MYO1B: variants seen among roughly 807,000 people sequenced by gnomAD.
The protein encoded by MYO1B is myosin IB, also known as unconventional myosin-Ib.
MYO1B carries 72 observed loss-of-function variants against 159.7 expected under a neutral mutation model. The ratio of observed to expected loss-of-function variants is 0.45; its 90% CI spans 0.37 to 0.55. MYO1B has a LOEUF of 0.55. Among genes scored for constraint, MYO1B ranks in the 20% least tolerant of loss-of-function variants. The pLI, the probability that MYO1B is intolerant of heterozygous loss-of-function variation, is 0.00. For missense variants in MYO1B, 1,062 were observed against 1,364.8 expected (o/e 0.78, Z 3.50); for synonymous variants, 468 against 473.8 (o/e 0.99, Z 0.16).
At chr2:191,380,826 A>G (rs1436135178) in intron 13 of MYO1B, among the ~76,000 whole-genome samples, 1 of 152,160 alleles carries the variant, frequency 6.6e-6, no homozygotes, top group African/African-American at 2.4e-5. Flanking sequence ...CATATTGAGA[A>G]CTTGCTAGGT....
intron 25 of MYO1B, 136 bp from the exon 26 acceptor site, chr2:191,408,908 G>A: frequency 1.1e-6 from 1 of 906,688 alleles, no homozygotes; most frequent in East Asian, 2.9e-5. Context: ...AGACTTCCCA[G>A]ATGAGTTACA....
At chr2:191,356,849 G>T (rs941045710) in intron 7 of MYO1B, among the ~76,000 whole-genome samples, 39 of 152,104 alleles carry the variant, frequency 2.6e-4, no homozygotes, top group African/African-American at 9.4e-4. Flanking sequence ...TACTGAAGAG[G>T]CATAAATTCA....
chr2:191,333,817 T>C (rs1251882319), intron 4 of MYO1B, among the ~76,000 whole-genome samples: 1 of 152,182 alleles, frequency 6.6e-6, no homozygotes, highest in Non-Finnish European at 1.5e-5. Flanking sequence ...ACCAGTTCTT[T>C]CAGGTGAAAC....
chr2:191,357,136 G>A (rs1693345266), intron 7 of MYO1B, among the ~76,000 whole-genome samples: 1 of 152,154 alleles, frequency 6.6e-6, no homozygotes, highest in South Asian at 2.1e-4. Context: ...ACATCCTAAA[G>A]TATGTGATGT....
At chr2:191,258,829 CT>C (rs1686619196) in intron 1 of MYO1B, among the ~76,000 whole-genome samples, 1 of 152,182 alleles carries the variant, frequency 6.6e-6, no homozygotes, top group African/African-American at 2.4e-5. Context: ...AGTCTTAATA[CT>C]TAGCACTGGT....
intron 1 of MYO1B, among the ~76,000 whole-genome samples, chr2:191,254,852 A>G (rs1686341376): frequency 6.6e-6 from 1 of 152,086 alleles, no homozygotes; most frequent in Non-Finnish European, 1.5e-5. Flanking sequence ...TAGTTATTTA[A>G]TGTGTTCATT....
At chr2:191,310,636 A>G (rs756338953) in intron 3 of MYO1B, among the ~76,000 whole-genome samples, 4 of 152,228 alleles carry the variant, frequency 2.6e-5, no homozygotes, top group Non-Finnish European at 5.9e-5. Context: ...ATGTAGAGCT[A>G]TTTTTCAATT....
chr2:191,391,014 G>T (rs1211787370), intron 18 of MYO1B, among the ~76,000 whole-genome samples: 1 of 152,270 alleles, frequency 6.6e-6, no homozygotes, highest in African/African-American at 2.4e-5. Context: ...CAGCTGGTCT[G>T]TCCTGAATTG....
chr2:191,392,854 A>T (rs1695839739), intron 19 of MYO1B, among the ~76,000 whole-genome samples: 1 of 152,230 alleles, frequency 6.6e-6, no homozygotes, highest in South Asian at 2.1e-4. Context: ...ATAAATTCTG[A>T]ATCACTGGAA....
chr2:191,350,477 T>C (rs1158226858), intron 7 of MYO1B: 1 of 255,476 alleles, frequency 3.9e-6, no homozygotes, highest in Non-Finnish European at 7.4e-6. Flanking sequence ...TGCGCTACTG[T>C]TTTTTATATT....
intron 3 of MYO1B, among the ~76,000 whole-genome samples, chr2:191,314,139 A>G (rs544506400): frequency 1.3e-5 from 2 of 152,220 alleles, no homozygotes; most frequent in African/African-American, 2.4e-5. Context: ...CATATTTTCA[A>G]TTTTTTAAAA....
At chr2:191,386,331 T>C (rs886574545) in intron 16 of MYO1B, among the ~76,000 whole-genome samples, 4 of 152,206 alleles carry the variant, frequency 2.6e-5, no homozygotes, top group African/African-American at 9.6e-5. Context: ...TTTTGAATCA[T>C]CTTTATTATT....
Position 191,360,751 on chromosome 2 carries a change from G to GTGGTGTTGTTGT in MYO1B, c.661+24_661+25insGTGTTGTTGTTG, listed in dbSNP as rs1553552025. On this transcript the variant is annotated intron_variant, in intron 8 of 30. Transcript: ENST00000392318. ...CTCAGTAAGTCTCTGTTTCTATGTG[G>GTGGTGTTGTTGT]TGTTGTTGTTGTTGTTGTTGTTGTT... is the stretch of plus-strand genomic sequence containing the variant. The GTGGTGTTGTTGT allele has an allele frequency of 1.3e-3, 1,502 of 1,118,256 alleles. 5 individuals are homozygous for GTGGTGTTGTTGT. The highest frequency in any genetic ancestry group is 6.9e-3 in the African/African-American group (410 of 59,068). 69.3% of individuals were successfully genotyped at this position (1,118,256 alleles called of 1,614,324 possible).
intron 3 of MYO1B, among the ~76,000 whole-genome samples, chr2:191,317,830 C>T (rs759853436): frequency 6.6e-6 from 1 of 152,138 alleles, no homozygotes; most frequent in Non-Finnish European, 1.5e-5. Context: ...CCACAGAGCT[C>T]TTTGTAAGCA....
At chr2:191,320,518 T>G (rs545469239) in intron 3 of MYO1B, among the ~76,000 whole-genome samples, 2 of 152,272 alleles carry the variant, frequency 1.3e-5, no homozygotes, top group South Asian at 4.1e-4. Flanking sequence ...CACAGTGGTC[T>G]GTGTGTATGT....
chr2:191,316,019 CAATT>C (rs1426046767), intron 3 of MYO1B, among the ~76,000 whole-genome samples: 23 of 152,158 alleles, frequency 1.5e-4, no homozygotes, highest in African/African-American at 9.7e-5. Flanking sequence ...TGGTTTGACT[CAATT>C]AAAGAGTACA....
intron 2 of MYO1B, among the ~76,000 whole-genome samples, chr2:191,287,424 G>A (rs1043157475): frequency 6.6e-6 from 1 of 151,988 alleles, no homozygotes; most frequent in Non-Finnish European, 1.5e-5. Flanking sequence ...CAGCTACTCG[G>A]GAGGCTGAGG....
intron 13 of MYO1B, among the ~76,000 whole-genome samples, chr2:191,373,852 C>G (rs76119832): frequency 6.6e-6 from 1 of 152,078 alleles, no homozygotes; most frequent in Admixed American, 6.6e-5. Context: ...TTTTTCCCCC[C>G]AGTTCCTTGA....
intron 23 of MYO1B, chr2:191,402,129 A>C (rs1209109302): frequency 6.6e-6 from 1 of 152,364 alleles, no homozygotes. Context: ...CACTTCAGAG[A>C]AATAAACTTT....
Sources: allele counts gnomAD v4.1 joint callset (sites outside exome capture counted in the v4.1 genomes callset), GRCh38; gene constraint gnomAD v4.1.1; transcripts MANE v1.5; gene names NCBI Gene and HGNC (gene_info 2026-07-23, HGNC 2026-07-21).